Variants in RGS6 observed in about 807,000 individuals in gnomAD.
RGS6 encodes regulator of G-protein signaling 6.
A neutral mutation model predicts 78.5 loss-of-function variants in RGS6; 30 were observed. That is an observed-to-expected ratio of 0.38 (90% CI 0.29 to 0.52). The LOEUF (loss-of-function observed/expected upper bound fraction) is 0.52, where lower values mean the gene tolerates loss of function less well. RGS6 is among the 20% of genes least tolerant of loss of function. The pLI is 0.85. For synonymous variants in RGS6, 206 were observed against 206.0 expected (o/e 1.00, Z 0.00); for missense variants, 495 against 609.7 (o/e 0.81, Z 1.98).
At chr14:72,413,667 G>C (rs914741112) in intron 3 of RGS6, among the ~76,000 whole-genome samples, 3 of 152,156 alleles carry the variant, frequency 2.0e-5, no homozygotes, top group Non-Finnish European at 4.4e-5. Context: ...AGCCTTGATG[G>C]TCTTTACAAT....
At chr14:71,939,238 C>T (rs1314342394) in intron 1 of RGS6, among the ~76,000 whole-genome samples, 1 of 152,170 alleles carries the variant, frequency 6.6e-6, no homozygotes, top group Non-Finnish European at 1.5e-5. Flanking sequence ...TTATCCTTCA[C>T]CTTAGAAGGA....
At chr14:72,070,608 A>G (rs947611144) in intron 2 of RGS6, among the ~76,000 whole-genome samples, 2 of 152,002 alleles carry the variant, frequency 1.3e-5, no homozygotes, top group African/African-American at 4.8e-5. Context: ...GCTTTGTTTC[A>G]CCCTGAACTC....
intron 2 of RGS6, among the ~76,000 whole-genome samples, chr14:72,317,911 G>C (rs541290115): frequency 5.9e-5 from 9 of 152,310 alleles, no homozygotes; most frequent in Admixed American, 5.9e-4. Context: ...TGAGGGGCAA[G>C]GAAGCCAGTC....
intron 6 of RGS6, among the ~76,000 whole-genome samples, chr14:72,462,489 G>A (rs2095806465): frequency 6.6e-6 from 1 of 152,134 alleles, no homozygotes; most frequent in East Asian, 1.9e-4. Flanking sequence ...AACCCACCTA[G>A]TAGGGTTATT....
At chr14:72,053,057 C>CTCCCT (rs1596678115) in intron 2 of RGS6, among the ~76,000 whole-genome samples, 1 of 14,398 alleles carries the variant, frequency 6.9e-5, no homozygotes, top group Non-Finnish European at 1.0e-4. Context: ...CCCTCCCTCC[C>CTCCCT]TCCCTCCCTC....
chr14:72,053,726 A>G (rs938773807), intron 2 of RGS6, among the ~76,000 whole-genome samples: 18 of 152,362 alleles, frequency 1.2e-4, no homozygotes, highest in African/African-American at 4.1e-4. Flanking sequence ...CACTGTCTTC[A>G]AATTAATAAG....
At position 72,445,163 on chromosome 14, in the gene RGS6, T is replaced by A. The variant is rs2095331927; in HGVS notation, c.185-9365T>A. On this transcript the variant is annotated intron_variant, in intron 3 of 17. Coordinates refer to ENST00000553525, the MANE Select transcript of RGS6 (RefSeq NM_001204424.2). The stretch of plus-strand genomic sequence containing the variant: ...TGCTACCTAATATTTGTTTAAGTAG[T>A]AATTTGTTGAGATTTCTCTGTTTTG... Among the ~76,000 whole-genome samples the A allele has an allele frequency of 2.6e-5, 4 of 152,224 alleles. No individual in the cohort carries two copies. The South Asian group carries it at 8.3e-4, about 32-fold the overall frequency.
chr14:72,236,297 C>G (rs1342700189), intron 2 of RGS6, among the ~76,000 whole-genome samples: 1 of 152,156 alleles, frequency 6.6e-6, no homozygotes, highest in Non-Finnish European at 1.5e-5. Flanking sequence ...CTCTCTTCAT[C>G]TTATTTTTGG....
chr14:72,481,542 C>G (rs1200729263), intron 12 of RGS6, among the ~76,000 whole-genome samples: 1 of 152,206 alleles, frequency 6.6e-6, no homozygotes, highest in Non-Finnish European at 1.5e-5. Context: ...GGAGAAAAGA[C>G]TTGCTCTTCT....
chr14:71,957,917 C>T (rs374020762), intron 1 of RGS6, among the ~76,000 whole-genome samples: 1 of 152,006 alleles, frequency 6.6e-6, no homozygotes, highest in Non-Finnish European at 1.5e-5. Context: ...AGGCAACGCA[C>T]CACCATGCCT....
intron 3 of RGS6, among the ~76,000 whole-genome samples, chr14:72,430,869 G>A (rs1041521326): frequency 5.9e-5 from 9 of 152,140 alleles, no homozygotes; most frequent in African/African-American, 2.2e-4. Flanking sequence ...AACAGCTGGT[G>A]TCTGTGGTCT....
the RGS6 span, among the ~76,000 whole-genome samples, chr14:71,885,118 C>G: frequency 0.025 from 3,784 of 152,298 alleles, 81 homozygotes; most frequent in Non-Finnish European, 0.04. Flanking sequence ...GCTTCCTTTA[C>G]CCTCTTGAAC....
At chr14:72,091,565 A>G (rs2095269498) in intron 2 of RGS6, among the ~76,000 whole-genome samples, 1 of 152,098 alleles carries the variant, frequency 6.6e-6, no homozygotes, top group African/African-American at 2.4e-5. Context: ...CCTTTTAAAT[A>G]TATTGGAATC....
intron 15 of RGS6, among the ~76,000 whole-genome samples, chr14:72,534,464 C>G (rs1177054125): frequency 6.6e-6 from 1 of 152,206 alleles, no homozygotes; most frequent in Non-Finnish European, 1.5e-5. Flanking sequence ...CTTTCTGTAC[C>G]TGACTTATTT....
intron 2 of RGS6, among the ~76,000 whole-genome samples, chr14:72,086,535 C>A (rs957707594): frequency 6.6e-6 from 1 of 152,164 alleles, no homozygotes; most frequent in Non-Finnish European, 1.5e-5. Context: ...TCTCTTTCCC[C>A]TTTATGACAG....
chr14:72,569,445 C>T (rs930814981), downstream of RGS6, among the ~76,000 whole-genome samples: 1 of 152,080 alleles, frequency 6.6e-6, no homozygotes, highest in Non-Finnish European at 1.5e-5. Flanking sequence ...TTTGGGAGGC[C>T]GAGGTGGGCG....
At chr14:72,185,959 T>G (rs1290778609) in intron 2 of RGS6, among the ~76,000 whole-genome samples, 2 of 152,214 alleles carry the variant, frequency 1.3e-5, no homozygotes, top group African/African-American at 4.8e-5. Context: ...CGTACATAAT[T>G]TTTTCACACA....
At chr14:72,016,877 T>A (rs1203142519) in intron 2 of RGS6, among the ~76,000 whole-genome samples, 1 of 152,220 alleles carries the variant, frequency 6.6e-6, no homozygotes, top group East Asian at 1.9e-4. Flanking sequence ...TACAGATAAA[T>A]CGTAAGAATT....
intron 14 of RGS6, among the ~76,000 whole-genome samples, chr14:72,514,587 C>T (rs549273965): frequency 2.2e-4 from 34 of 152,350 alleles, no homozygotes; most frequent in African/African-American, 4.1e-4. Context: ...TCCCCGCCAG[C>T]ATTTCTAAGT....
Sources: gnomAD v4.1 joint callset for allele counts (sites outside exome capture counted in the v4.1 genomes callset) on GRCh38, gnomAD v4.1.1 for gene constraint, MANE v1.5 for transcripts, NCBI Gene and HGNC (gene_info 2026-07-23, HGNC 2026-07-21) for gene names.